The following SLC4A5 variants were observed in gnomAD, a reference collection of about 807,000 sequenced individuals.
The protein encoded by SLC4A5 is electrogenic sodium bicarbonate cotransporter 4.
Under a neutral mutation model 120.4 loss-of-function variants are expected in SLC4A5, and 96 were observed. That is an observed-to-expected ratio of 0.80 (90% confidence interval 0.68 to 0.94). SLC4A5 has a LOEUF of 0.94. SLC4A5 is among the 40% of genes least tolerant of loss of function. The pLI, the probability that SLC4A5 is intolerant of heterozygous loss-of-function variation, is 0.00. For missense variants in SLC4A5, 1,259 were observed against 1,459.5 expected, an observed-to-expected ratio of 0.86 and a Z score of 2.24; for synonymous variants, 550 against 571.1, an observed-to-expected ratio of 0.96 and a Z score of 0.53.
chr2:74,334,995 AC>A (rs773477728), intron 3 of SLC4A5, among the ~76,000 whole-genome samples: 1 of 152,096 alleles, frequency 6.6e-6, no homozygotes, highest in Non-Finnish European at 1.5e-5. Context: ...TTCTCCAGGA[AC>A]CAAGTCCTGT....
intron 21 of SLC4A5, among the ~76,000 whole-genome samples, chr2:74,236,699 A>T (rs1670279441): frequency 6.6e-6 from 1 of 152,232 alleles, no homozygotes; most frequent in South Asian, 2.1e-4. Flanking sequence ...TAGCATATAC[A>T]TCAAAACCAT....
chr2:74,298,723 T>C (rs536013186), intron 7 of SLC4A5, among the ~76,000 whole-genome samples: 25 of 152,076 alleles, frequency 1.6e-4, no homozygotes, highest in African/African-American at 5.8e-4. Flanking sequence ...TACAACTCAA[T>C]AGCAAAAAGA....
At chr2:74,272,775 A>G (rs923243880) in intron 8 of SLC4A5, among the ~76,000 whole-genome samples, 1 of 152,256 alleles carries the variant, frequency 6.6e-6, no homozygotes, top group African/African-American at 2.4e-5. Context: ...ATATAATTAG[A>G]GGACATTGCT....
chr2:74,282,105 G>A (rs974288137), intron 8 of SLC4A5, among the ~76,000 whole-genome samples: 1 of 152,180 alleles, frequency 6.6e-6, no homozygotes, highest in Admixed American at 6.5e-5. Flanking sequence ...AAACAGCTCT[G>A]ACCCAAGCAC....
chr2:74,275,807 G>A (rs1671619774), intron 8 of SLC4A5, among the ~76,000 whole-genome samples: 1 of 152,160 alleles, frequency 6.6e-6, no homozygotes, highest in African/African-American at 2.4e-5. Flanking sequence ...CATGAGGTAG[G>A]TCTGTGACTA....
At chr2:74,257,000 G>A (rs1253774101) in intron 12 of SLC4A5, among the ~76,000 whole-genome samples, 4 of 152,224 alleles carry the variant, frequency 2.6e-5, no homozygotes, top group South Asian at 2.1e-4. Flanking sequence ...AGTCTTTCCC[G>A]CGGGCACAGG....
At chr2:74,231,151 G>A in intron 25 of SLC4A5, 85 bp downstream of exon 25, 1 of 1,281,496 alleles carries the variant, frequency 7.8e-7, no homozygotes, top group Non-Finnish European at 1.1e-6. Flanking sequence ...GTGATCCCTA[G>A]CCATGTGGGG....
chr2:74,242,003 G>A lies in SLC4A5; in HGVS notation c.2109C>T (p.Asn703=), dbSNP rs753182852. Residue 703 remains asparagine, a synonymous_variant, in exon 20 of 31, where the codon AAC becomes AAT. Coordinates refer to ENST00000394019, the Ensembl canonical transcript of SLC4A5. ...AGAGGAAAGGACTTACCAGAGAAGC[G>A]TTGGTGTCTGGTGCCAATGGGGCTG... 1.2e-5 allele frequency: 20 copies of A among 1,604,754 alleles called. No individual in the cohort carries two copies. In the East Asian group the frequency reaches 1.4e-4, roughly 11 times the overall value.
intron 7 of SLC4A5, among the ~76,000 whole-genome samples, chr2:74,297,204 G>A (rs533675543): frequency 4.6e-5 from 7 of 152,174 alleles, no homozygotes; most frequent in African/African-American, 7.2e-5. Flanking sequence ...AGATTTGGGC[G>A]TGGTGCTCTT....
intron 12 of SLC4A5, among the ~76,000 whole-genome samples, chr2:74,257,529 CG>C (rs1451348385): frequency 1.3e-5 from 2 of 152,082 alleles, no homozygotes; most frequent in African/African-American, 4.8e-5. Flanking sequence ...AAAGAGGCTT[CG>C]GAAGCAGCAA....
chr2:74,231,151 G>C, intron 25 of SLC4A5, 85 bp downstream of exon 25: 3 of 1,281,496 alleles, frequency 2.3e-6, no homozygotes, highest in Non-Finnish European at 3.3e-6. Flanking sequence ...GTGATCCCTA[G>C]CCATGTGGGG....
At chr2:74,226,220 G>C (rs954128651) in intron 27 of SLC4A5, among the ~76,000 whole-genome samples, 1 of 152,168 alleles carries the variant, frequency 6.6e-6, no homozygotes, top group Non-Finnish European at 1.5e-5. Flanking sequence ...CCTCCCAGCA[G>C]TGTGCACTTC....
chr2:74,270,561 T>A (rs1010350971), intron 8 of SLC4A5, among the ~76,000 whole-genome samples: 34 of 152,308 alleles, frequency 2.2e-4, no homozygotes, highest in African/African-American at 7.9e-4. Flanking sequence ...TAGTCCCAGC[T>A]ACTCAGGAGG....
intron 14 of SLC4A5, 33 bp downstream of exon 14, chr2:74,254,586 A>G (rs2104001848): frequency 6.4e-7 from 1 of 1,560,514 alleles, no homozygotes; most frequent in African/African-American, 1.4e-5. Flanking sequence ...GAGCTGTAAA[A>G]TTCAGGAGTA....
At chr2:74,267,682 C>T (rs1053872177) in intron 8 of SLC4A5, among the ~76,000 whole-genome samples, 10 of 152,080 alleles carry the variant, frequency 6.6e-5, no homozygotes, top group African/African-American at 2.2e-4. Context: ...TTTATTGGGG[C>T]GAATTAGTGT....
intron 8 of SLC4A5, among the ~76,000 whole-genome samples, chr2:74,273,875 C>T (rs1671553365): frequency 6.6e-6 from 1 of 152,176 alleles, no homozygotes; most frequent in Non-Finnish European, 1.5e-5. Context: ...AAAAGGGGAA[C>T]ACCTGAGGCC....
chr2:74,239,579 A>G, intron 20 of SLC4A5, 44 bp from the exon 21 acceptor site: 1 of 1,595,256 alleles, frequency 6.3e-7, no homozygotes, highest in Non-Finnish European at 8.6e-7. Context: ...CATCTTCCTG[A>G]TGAGTCAGCT....
chr2:74,255,902 T>C lies in SLC4A5; in HGVS notation c.898A>G (p.Lys300Glu). The C allele has an allele frequency of 6.2e-7, 1 of 1,613,966 alleles. No individual in the cohort carries two copies. Among genetic ancestry groups the C allele is most frequent in the Non-Finnish European group, 8.5e-7 (1 of 1,179,858 alleles). ...AGCACGTTGGACGCTTCTGAGTCCT[T>C]GGGGATCTTCTTCATGAATTTGTTT... Residue 300 changes from lysine (K) to glutamate (E), a missense_variant, in exon 13 of 31, where the codon AAG becomes GAG. Coordinates refer to ENST00000394019, the Ensembl canonical transcript of SLC4A5. The surrounding 1 kb of genome is among the most constrained non-coding windows in gnomAD (Gnocchi z 4.0).
chr2:74,341,017 A>G (rs912743222), intron 2 of SLC4A5, among the ~76,000 whole-genome samples: 4 of 152,226 alleles, frequency 2.6e-5, no homozygotes, highest in Admixed American at 1.3e-4. Flanking sequence ...GAATAAATGT[A>G]AAAGAGGCTG....
Sources: gnomAD v4.1 joint callset for allele counts (sites outside exome capture counted in the v4.1 genomes callset) on GRCh38, gnomAD v4.1.1 for gene constraint, Gnocchi (gnomAD v3.1) non-coding constraint, MANE v1.5 for transcripts, NCBI Gene and HGNC (gene_info 2026-07-23, HGNC 2026-07-21) for gene names.